Variants in ITGA5 observed in about 807,000 individuals in gnomAD.
ITGA5 encodes integrin alpha-5.
In ITGA5, 55 loss-of-function variants were observed where a neutral mutation model predicts 146.3. The ratio of observed to expected loss-of-function variants is 0.38; its 90% CI spans 0.30 to 0.47. The LOEUF is 0.47. Among genes scored for constraint, ITGA5 ranks in the 20% least tolerant of loss-of-function variants. The pLI is 0.99. For missense variants in ITGA5, 1,131 were observed against 1,329.0 expected, an observed-to-expected ratio of 0.85 and a Z score of 2.32; for synonymous variants, 500 against 531.8, an observed-to-expected ratio of 0.94 and a Z score of 0.82.
intron 19 of ITGA5, 35 bp downstream of exon 19, chr12:54,402,948 C>G (rs918771500): frequency 1.9e-6 from 3 of 1,597,406 alleles, no homozygotes; most frequent in Non-Finnish European, 1.7e-6. Flanking sequence ...CCAGGTGCAC[C>G]TGGAGCTCCC....
intron 2 of ITGA5, among the ~76,000 whole-genome samples, chr12:54,410,399 G>A (rs2120545653): frequency 6.8e-6 from 1 of 147,050 alleles, no homozygotes; most frequent in African/African-American, 2.5e-5. Flanking sequence ...AGGCTGGAGT[G>A]CAGTGGCGTG....
At position 54,403,182 on chromosome 12, in the gene ITGA5, C is replaced by A; in HGVS notation, c.1914+5G>T. 2 of 1,566,146 alleles carry A rather than the reference C, an allele frequency of 1.3e-6. No homozygotes were observed. Among genetic ancestry groups the A allele is most frequent in the Non-Finnish European group, 8.6e-7 (1 of 1,157,386 alleles). On this transcript the variant is annotated splice_donor_5th_base_variant and intron_variant, in intron 18 of 29. Transcript: ENST00000293379. The surrounding 1 kb of genome is among the most constrained non-coding windows in gnomAD (Gnocchi z 4.9). ...CCAGGTCCCTTCTCCCTGCCCTGTC[C>A]TCACCTTGTCCTCTATCCGGCTCTT...
chr12:54,402,396 T>C, intron 19 of ITGA5, 66 bp from the exon 20 acceptor site: 2 of 1,468,630 alleles, frequency 1.4e-6, no homozygotes, highest in Non-Finnish European at 1.9e-6. Flanking sequence ...AAAGGACCAT[T>C]ATAAGAGTAG....
rs1187152464 is a variant in ITGA5, at chr12:54,396,062, C to G, written c.*231G>C. On this transcript the variant is annotated 3_prime_UTR_variant, in exon 30 of 30. Transcript: ENST00000293379. Reference sequence around the variant, plus strand: ...CTCTGTCCCTGGATCTGAGTTCCCCCATCCATGAAGAGGGTATGTGTAAAC... The same window carrying G: ...CTCTGTCCCTGGATCTGAGTTCCCCGATCCATGAAGAGGGTATGTGTAAAC... The G allele has an allele frequency of 1.3e-5, 6 of 456,986 alleles. No homozygotes were observed. In the Admixed American group the frequency reaches 1.5e-4, roughly 11 times the overall value. The allele number at this position is 456,986 out of a possible 1,614,324, so 28.3% of individuals were successfully genotyped here.
At chr12:54,406,045 C>T in intron 9 of ITGA5, 119 bp from the exon 10 acceptor site, 1 of 842,120 alleles carries the variant, frequency 1.2e-6, no homozygotes, top group Non-Finnish European at 2.0e-6. Flanking sequence ...GACCACTGTC[C>T]CTAGCTCCCT....
chr12:54,403,419 G>T lies in ITGA5; in HGVS notation c.1777-95C>A. ...CTCTCATCTCCCTTTGTCTGCTTAG[G>T]GCCCAATTCCGACCATCCTCATTGT... On this transcript the variant is annotated intron_variant, in intron 17 of 29. Coordinates refer to ENST00000293379, the MANE Select transcript of ITGA5 (RefSeq NM_002205.5). The surrounding 1 kb of genome is among the most constrained non-coding windows in gnomAD (Gnocchi z 4.9). 7.1e-7 allele frequency: 1 copy of T among 1,412,760 alleles called. No individual in the cohort carries two copies. The highest frequency in any genetic ancestry group is 1.5e-5 in the South Asian group (1 of 67,994). The allele number at this position is 1,412,760 out of a possible 1,614,324, so 87.5% of individuals were successfully genotyped here. A position where few individuals can be genotyped will look rare whatever the true frequency, so the allele number is the denominator to read the frequency against.
In ITGA5 at chr12:54,403,072, A is replaced by T. The variant is rs745527199; in HGVS notation, c.1915-22T>A. The T allele has an allele frequency of 6.2e-7, 1 of 1,613,932 alleles. No individual in the cohort carries two copies. The highest frequency in any genetic ancestry group is 8.5e-7 in the Non-Finnish European group (1 of 1,179,872). ...GAGCCTGGGGAGCAGGGCAGCCTTG[A>T]GAGGGGAAGTTTAGACCCATTCCTG... is the stretch of plus-strand genomic sequence containing the variant. On this transcript the variant is annotated intron_variant, in intron 18 of 29. Transcript: ENST00000293379. This position sits in a 1 kb window ranked among gnomAD's most constrained non-coding sequence, Gnocchi z 4.9.
rs953244866 is a variant in ITGA5, at chr12:54,395,990, G to A, written c.*303C>T. On this transcript the variant is annotated 3_prime_UTR_variant, in exon 30 of 30. Transcript: ENST00000293379. ...GATTTCCTAGTTATCTTTCCAAGTT[G>A]TTTCAGGAAACTCTCCAAAATGCAA... is the stretch of plus-strand genomic sequence containing the variant. 3.4e-6 allele frequency: 1 copy of A among 292,470 alleles called. No homozygotes were observed. The highest frequency in any genetic ancestry group is 6.5e-6 in the Non-Finnish European group (1 of 154,112). The allele number at this position is 292,470 out of a possible 1,614,324, so 18.1% of individuals were successfully genotyped here. A position where few individuals can be genotyped will look rare whatever the true frequency, so the allele number is the denominator to read the frequency against.
At chr12:54,402,451 C>T in intron 19 of ITGA5, 121 bp from the exon 20 acceptor site, 1 of 863,746 alleles carries the variant, frequency 1.2e-6, no homozygotes, top group Non-Finnish European at 1.8e-6. Flanking sequence ...AATCCCAGCA[C>T]TTTGGGAGGC....
chr12:54,405,927 C>G lies in ITGA5; in HGVS notation c.907-1G>C. On this transcript the variant is annotated splice_acceptor_variant, in intron 9 of 29. Transcript: ENST00000293379. LOFTEE classifies it high-confidence loss of function. ...TGTCTGAGCCATTAAGGATGGTGAC[C>G]TGGGAGATGAAGAGATAGGCCCATT... 6.2e-7 allele frequency: 1 copy of G among 1,613,706 alleles called. No individual in the cohort carries two copies. The highest frequency in any genetic ancestry group is 8.5e-7 in the Non-Finnish European group (1 of 1,179,646).
At chr12:54,405,546 G>A (rs1164530546) in intron 11 of ITGA5, 118 bp downstream of exon 11, 23 of 1,077,008 alleles carry the variant, frequency 2.1e-5, no homozygotes, top group Admixed American at 4.0e-5. Flanking sequence ...ATGCAGGTAT[G>A]AGCGAGAGTC....
chr12:54,401,906 C>G lies in ITGA5; in HGVS notation c.2227-51G>C, dbSNP rs1330147117. The G allele has an allele frequency of 6.3e-7, 1 of 1,599,718 alleles. No individual in the cohort carries two copies. The highest frequency in any genetic ancestry group is 1.3e-5 in the African/African-American group (1 of 74,670). ...GGGCAGTTAGACTGTGTATTTCACCCTCCCTCCGCACCTCACAGCTGTGCT... is the reference window on the plus strand; with the variant it reads ...GGGCAGTTAGACTGTGTATTTCACCGTCCCTCCGCACCTCACAGCTGTGCT... On this transcript the variant is annotated intron_variant, in intron 21 of 29. Coordinates refer to ENST00000293379, the MANE Select transcript of ITGA5 (RefSeq NM_002205.5). This position sits in a 1 kb window ranked among gnomAD's most constrained non-coding sequence, Gnocchi z 5.0.
intron 25 of ITGA5, 89 bp from the exon 26 acceptor site, chr12:54,400,036 T>C (rs985574848): frequency 2.3e-6 from 2 of 859,320 alleles, no homozygotes; most frequent in Admixed American, 3.6e-5. Flanking sequence ...TTCAACCTAT[T>C]CTTTCATCTA....
At chr12:54,396,754 G>A (rs1955715696) in intron 29 of ITGA5, among the ~76,000 whole-genome samples, 1 of 152,116 alleles carries the variant, frequency 6.6e-6, no homozygotes, top group African/African-American at 2.4e-5. Flanking sequence ...CATGATCATG[G>A]CTCACTGTAG....
At chr12:54,406,857 G>A (rs1955872588) in intron 9 of ITGA5, among the ~76,000 whole-genome samples, 1 of 152,144 alleles carries the variant, frequency 6.6e-6, no homozygotes, top group Non-Finnish European at 1.5e-5. Flanking sequence ...TTCCTAGAAA[G>A]GAGATTATTC....
rs750211855 is a variant in ITGA5, at chr12:54,401,734, C to T, written c.2306+42G>A. ...GAGAATGGCGCCCAGCCCTCCCTTC[C>T]GTCCCCAGCTCAGCCCCAGCCTAGA... is the stretch of plus-strand genomic sequence containing the variant. On this transcript the variant is annotated intron_variant, in intron 22 of 29. Coordinates refer to ENST00000293379, the MANE Select transcript of ITGA5 (RefSeq NM_002205.5). This position sits in a 1 kb window ranked among gnomAD's most constrained non-coding sequence, Gnocchi z 5.0. 2.5e-5 allele frequency: 41 copies of T among 1,610,600 alleles called. No individual in the cohort carries two copies. Among genetic ancestry groups the T allele is most frequent in the Admixed American group, 3.3e-5 (2 of 59,970 alleles).
Position 54,398,700 on chromosome 12 carries a change from T to C in ITGA5, c.2842-2A>G. 6.3e-7 allele frequency: 1 copy of C among 1,595,818 alleles called. No homozygotes were observed. The highest frequency in any genetic ancestry group is 8.5e-7 in the Non-Finnish European group (1 of 1,171,942). On this transcript the variant is annotated splice_acceptor_variant, in intron 27 of 29. Transcript: ENST00000293379. LOFTEE classifies it high-confidence loss of function. ...CAGGCTAAATGGCTGGTGCTCCCGC[T>C]GTGGGTAGGGGAAAGTTGGTTAGCA...
At chr12:54,397,201 G>A (rs202019969) in intron 29 of ITGA5, 164 bp downstream of exon 29, 17 of 633,384 alleles carry the variant, frequency 2.7e-5, no homozygotes, top group Non-Finnish European at 4.4e-5. Flanking sequence ...TAGAATGAAG[G>A]GGGGGATCTT....
intron 19 of ITGA5, 77 bp downstream of exon 19, chr12:54,402,906 G>T: frequency 8.4e-7 from 1 of 1,195,390 alleles, no homozygotes; most frequent in Non-Finnish European, 1.3e-6. Flanking sequence ...AGGCGACACA[G>T]CTAGTATGTC....
Sources: allele counts gnomAD v4.1 joint callset (sites outside exome capture counted in the v4.1 genomes callset), GRCh38; gene constraint gnomAD v4.1.1; non-coding constraint Gnocchi (gnomAD v3.1); transcripts MANE v1.5; gene names NCBI Gene and HGNC (gene_info 2026-07-23, HGNC 2026-07-21).